The following PCDHGA3 variants were observed in gnomAD, a reference collection of about 807,000 sequenced individuals.
The protein encoded by PCDHGA3 is protocadherin gamma subfamily A, 3.
Under a neutral mutation model 58.5 loss-of-function variants are expected in PCDHGA3, and 40 were observed. That is an observed-to-expected ratio of 0.68 (90% CI 0.53 to 0.89). The LOEUF (loss-of-function observed/expected upper bound fraction) is 0.89, where lower values mean the gene tolerates loss of function less well. PCDHGA3 is among the 40% of genes least tolerant of loss of function. The probability of loss-of-function intolerance (pLI) is 0.00; values close to 1 mark genes in which losing one functional copy is unlikely to be tolerated. For missense variants in PCDHGA3, 1,223 were observed against 1,195.9 expected (o/e 1.02, Z -0.33); for synonymous variants, 530 against 525.7 (o/e 1.01, Z -0.11).
In PCDHGA3 at chr5:141,344,057, A is replaced by T. The variant is rs1407517095; in HGVS notation, c.24A>T (p.Arg8=). 3.2e-6 allele frequency: 5 copies of T among 1,560,120 alleles called. No individual in the cohort carries two copies. The East Asian group carries it at 1.1e-4, about 36-fold the overall frequency. Residue 8 remains arginine (R), a synonymous_variant, in exon 1 of 4, where the codon CGA becomes CGT. Transcript: ENST00000253812. ...AAATGACCAATTGCCTGAGTTTCCG[A>T]AATGGCAGAGGACTGGCCCTGCTGT... MTNCLSF[R]NGRGLALLCA... is the part of the protein sequence containing the mutation.
At chr5:141,495,277 G>A (rs2099760037) in intron 2 of PCDHGA3, among the ~76,000 whole-genome samples, 1 of 152,168 alleles carries the variant, frequency 6.6e-6, no homozygotes, top group African/African-American at 2.4e-5. Context: ...ACCGGAGGAG[G>A]CGGTCCGCAC....
At chr5:141,384,368 C>T (rs748304499) in intron 1 of PCDHGA3, 7 of 1,613,908 alleles carry the variant, frequency 4.3e-6, no homozygotes, top group East Asian at 2.2e-5. Flanking sequence ...ATCACTTATT[C>T]CTTGGCCGAA....
At chr5:141,366,550 T>G in intron 1 of PCDHGA3, 2 of 1,614,254 alleles carry the variant, frequency 1.2e-6, no homozygotes, top group Non-Finnish European at 8.5e-7. Context: ...CCTCGCACTT[T>G]GTGGGCGTGG....
chr5:141,351,560 A>G (rs1758755452), intron 1 of PCDHGA3: 1 of 1,614,036 alleles, frequency 6.2e-7, no homozygotes, highest in Non-Finnish European at 8.5e-7. Flanking sequence ...CAGGACAAGC[A>G]TCACCCTGCA....
intron 1 of PCDHGA3, chr5:141,374,306 TTC>T (rs1561562207): frequency 6.2e-7 from 1 of 1,613,958 alleles, no homozygotes. Context: ...GATGCAGCTT[TTC>T]TCTCTGAATC....
intron 1 of PCDHGA3, among the ~76,000 whole-genome samples, chr5:141,446,107 T>C (rs1031524158): frequency 6.6e-6 from 1 of 152,130 alleles, no homozygotes; most frequent in Admixed American, 6.5e-5. Flanking sequence ...TATAGATATA[T>C]TTAGGAAATG....
At chr5:141,450,626 A>G (rs1474729472) in intron 1 of PCDHGA3, among the ~76,000 whole-genome samples, 1 of 151,438 alleles carries the variant, frequency 6.6e-6, no homozygotes, top group East Asian at 2.0e-4. Context: ...AGCTGGGATT[A>G]CAGATGCCTG....
chr5:141,408,676 G>A (rs1315766272), intron 1 of PCDHGA3: 2 of 1,613,652 alleles, frequency 1.2e-6, no homozygotes, highest in Non-Finnish European at 1.7e-6. Flanking sequence ...ACCCTGCCAC[G>A]GATCCTGATA....
chr5:141,373,266 C>T (rs894393733), intron 1 of PCDHGA3, among the ~76,000 whole-genome samples: 1 of 152,300 alleles, frequency 6.6e-6, no homozygotes, highest in Non-Finnish European at 1.5e-5. Context: ...TAAAAGTATA[C>T]ACAGATGTTG....
intron 1 of PCDHGA3, chr5:141,419,710 C>T: frequency 6.2e-7 from 1 of 1,613,168 alleles, no homozygotes; most frequent in South Asian, 1.1e-5. Context: ...CCGGGCTCTT[C>T]AGCCTGGGGC....
intron 1 of PCDHGA3, chr5:141,423,339 C>T (rs1393650718): frequency 6.2e-7 from 1 of 1,614,072 alleles, no homozygotes; most frequent in Non-Finnish European, 8.5e-7. Flanking sequence ...TCTCCTGCAT[C>T]TTCCTGGTCT....
intron 2 of PCDHGA3, among the ~76,000 whole-genome samples, chr5:141,497,126 C>T (rs565697662): frequency 8.2e-4 from 125 of 151,844 alleles, no homozygotes; most frequent in African/African-American, 3.0e-3. Flanking sequence ...GCAGAGGTTG[C>T]AGTGAGCTGA....
chr5:141,413,850 C>G (rs2095685833), intron 1 of PCDHGA3: 3 of 1,613,244 alleles, frequency 1.9e-6, no homozygotes, highest in East Asian at 2.2e-5. Context: ...GTGACCCTCT[C>G]CGATCTGGCA....
At chr5:141,374,357 C>T (rs1490017184) in intron 1 of PCDHGA3, 1 of 1,614,018 alleles carries the variant, frequency 6.2e-7, no homozygotes, top group South Asian at 1.1e-5. Context: ...TAGGATAGAC[C>T]GCGAGGAGCT....
At chr5:141,350,418 G>A (rs895622982) in intron 1 of PCDHGA3, 2 of 1,606,624 alleles carry the variant, frequency 1.2e-6, no homozygotes, top group Non-Finnish European at 1.7e-6. Context: ...AAGGATCTGG[G>A]GCTCAGTGTC....
intron 1 of PCDHGA3, chr5:141,388,912 C>T: frequency 6.2e-7 from 1 of 1,613,946 alleles, no homozygotes; most frequent in Non-Finnish European, 8.5e-7. Flanking sequence ...GACAACGCCC[C>T]AGAAGTGATA....
chr5:141,440,918 A>C (rs2154559108), intron 1 of PCDHGA3: 1 of 152,384 alleles, frequency 6.6e-6, no homozygotes, highest in Admixed American at 6.5e-5. Context: ...TCCTGTGCTG[A>C]GAGTGAGGGC....
chr5:141,482,069 G>A (rs892777397), intron 1 of PCDHGA3, among the ~76,000 whole-genome samples: 1 of 138,078 alleles, frequency 7.2e-6, no homozygotes, highest in Non-Finnish European at 1.5e-5. Context: ...TGGGCAACAA[G>A]AACAAAACTC....
At chr5:141,427,960 G>C (rs759698390) in intron 1 of PCDHGA3, 7 of 1,589,168 alleles carry the variant, frequency 4.4e-6, no homozygotes, top group South Asian at 1.1e-5. Flanking sequence ...AATGTGCCGC[G>C]GGTGCTGTAC....
Sources: allele counts gnomAD v4.1 joint callset (sites outside exome capture counted in the v4.1 genomes callset), GRCh38; gene constraint gnomAD v4.1.1; transcripts MANE v1.5; gene names NCBI Gene and HGNC (gene_info 2026-07-23, HGNC 2026-07-21).